Variants in AKR1C8 observed in about 807,000 individuals in gnomAD.
AKR1C8 encodes the protein aldo-keto reductase family 1 member C-like protein 1.
chr10:5,177,115 T>C, the AKR1C8 span, among the ~76,000 whole-genome samples: 1 of 152,198 alleles, frequency 6.6e-6, no homozygotes, highest in Non-Finnish European at 1.5e-5. Flanking sequence ...GCTGTGGGTT[T>C]GTCATAGATA....
the AKR1C8 span, among the ~76,000 whole-genome samples, chr10:5,165,150 T>A: frequency 6.6e-6 from 1 of 152,102 alleles, no homozygotes; most frequent in Non-Finnish European, 1.5e-5. Flanking sequence ...GTATAGGGGG[T>A]TATTTCACCA....
At chr10:5,130,047 A>G in the AKR1C8 span, among the ~76,000 whole-genome samples, 38,057 of 151,900 alleles carry the variant, frequency 0.25, 4,922 homozygotes, top group Middle Eastern at 0.37. Context: ...CAAATGCATC[A>G]GCATATCAAA....
the AKR1C8 span, among the ~76,000 whole-genome samples, chr10:5,151,120 C>A: frequency 2.6e-5 from 4 of 151,904 alleles, no homozygotes; most frequent in African/African-American, 9.7e-5. Context: ...GGCACAAGAC[C>A]GAATGAGCCA....
At chr10:5,172,473 G>T in the AKR1C8 span, among the ~76,000 whole-genome samples, 1 of 151,968 alleles carries the variant, frequency 6.6e-6, no homozygotes, top group Non-Finnish European at 1.5e-5. Context: ...TAAAAGTAAG[G>T]ATATTTTACT....
chr10:5,178,514 AGTTCAATTCCTGG>A, the AKR1C8 span, among the ~76,000 whole-genome samples: 253 of 152,252 alleles, frequency 1.7e-3, no homozygotes, highest in African/African-American at 5.8e-3. Context: ...TGCAGAGCTG[AGTTCAATTCCTGG>A]GTATCCTTTT....
chr10:5,120,645 T>C, the AKR1C8 span, among the ~76,000 whole-genome samples: 1 of 152,072 alleles, frequency 6.6e-6, no homozygotes, highest in South Asian at 2.1e-4. Flanking sequence ...GGCCACAGAT[T>C]TCTACTTAAA....
At chr10:5,163,051 T>C in the AKR1C8 span, 1 of 494,716 alleles carries the variant, frequency 2.0e-6, no homozygotes, top group South Asian at 1.5e-5. Flanking sequence ...GTTGTTGATC[T>C]GCCCAACTCA....
chr10:5,175,071 A>G, the AKR1C8 span, among the ~76,000 whole-genome samples: 2 of 150,832 alleles, frequency 1.3e-5, no homozygotes, highest in Non-Finnish European at 3.0e-5. Flanking sequence ...GCACCCATTA[A>G]CTCGTCATTT....
chr10:5,127,745 A>T, the AKR1C8 span, among the ~76,000 whole-genome samples: 1 of 137,234 alleles, frequency 7.3e-6, no homozygotes, highest in Non-Finnish European at 1.6e-5. Flanking sequence ...AAAAAAAAAA[A>T]AAAAGAAATG....
chr10:5,156,676 T>C, the AKR1C8 span, among the ~76,000 whole-genome samples: 2 of 152,202 alleles, frequency 1.3e-5, no homozygotes, highest in Admixed American at 6.5e-5. Context: ...AGAGCAGGTA[T>C]TAACATTTTG....
the AKR1C8 span, among the ~76,000 whole-genome samples, chr10:5,140,204 G>A: frequency 6.6e-6 from 1 of 152,278 alleles, no homozygotes; most frequent in East Asian, 1.9e-4. Context: ...TGGTGGGAGT[G>A]TAAACTAGTT....
the AKR1C8 span, among the ~76,000 whole-genome samples, chr10:5,172,326 T>C: frequency 6.6e-6 from 1 of 152,112 alleles, no homozygotes; most frequent in African/African-American, 2.4e-5. Flanking sequence ...AACCAGTTAA[T>C]TTACTTTAGG....
At chr10:5,126,477 G>A in the AKR1C8 span, among the ~76,000 whole-genome samples, 12 of 152,022 alleles carry the variant, frequency 7.9e-5, no homozygotes, top group Admixed American at 2.0e-4. Flanking sequence ...CCCCCTTTAC[G>A]TTGATAAGAT....
chr10:5,120,115 A>G, the AKR1C8 span, among the ~76,000 whole-genome samples: 2 of 152,214 alleles, frequency 1.3e-5, no homozygotes, highest in African/African-American at 4.8e-5. Context: ...CACTTAAGGC[A>G]ATCTTAAACC....
the AKR1C8 span, among the ~76,000 whole-genome samples, chr10:5,177,210 G>T: frequency 4.6e-5 from 7 of 151,836 alleles, no homozygotes; most frequent in African/African-American, 1.2e-4. Flanking sequence ...TTTGTCAAAG[G>T]CCTTTTCTGC....
the AKR1C8 span, chr10:5,157,591 C>A: frequency 2.2e-6 from 1 of 453,178 alleles, no homozygotes; most frequent in South Asian, 1.6e-5. Flanking sequence ...TCGCCCAGAT[C>A]AGCACCCATG....
chr10:5,169,366 T>C, the AKR1C8 span, among the ~76,000 whole-genome samples: 1 of 152,180 alleles, frequency 6.6e-6, no homozygotes, highest in East Asian at 1.9e-4. Context: ...TTTCTTGGTG[T>C]TGGATTGATT....
the AKR1C8 span, chr10:5,162,928 C>G: frequency 1.1e-5 from 6 of 534,624 alleles, no homozygotes; most frequent in Admixed American, 1.2e-4. Flanking sequence ...GTCCAACCTC[C>G]TCCTCATTTT....
At chr10:5,135,319 G>T in the AKR1C8 span, 1 of 158,248 alleles carries the variant, frequency 6.3e-6, no homozygotes, top group Non-Finnish European at 1.4e-5. Flanking sequence ...GGCAGGCAAT[G>T]CTACACTGCC....
Sources: gnomAD v4.1 joint callset for allele counts (sites outside exome capture counted in the v4.1 genomes callset) on GRCh38, gnomAD v4.1.1 for gene constraint, MANE v1.5 for transcripts, NCBI Gene and HGNC (gene_info 2026-07-23, HGNC 2026-07-21) for gene names.